DCDC2: variants seen among roughly 807,000 people sequenced by gnomAD.
DCDC2 encodes the protein doublecortin domain containing 2.
In DCDC2, 40 loss-of-function variants were observed where a neutral mutation model predicts 50.2. The observed-to-expected ratio is 0.80, with a 90% CI of 0.62 to 1.04. DCDC2 has a LOEUF of 1.04. Among genes scored for constraint, DCDC2 ranks in the 50% least tolerant of loss-of-function variants. The pLI is 0.00. For synonymous variants in DCDC2, 234 were observed against 210.6 expected, an observed-to-expected ratio of 1.11 and a Z score of -0.96; for missense variants, 570 against 581.9, an observed-to-expected ratio of 0.98 and a Z score of 0.21.
intron 7 of DCDC2, among the ~76,000 whole-genome samples, chr6:24,273,302 A>T (rs868367406): frequency 1.4e-4 from 22 of 152,300 alleles, no homozygotes; most frequent in African/African-American, 4.3e-4. Context: ...GAGCAGGAAG[A>T]GGTATGAGAA....
At chr6:24,321,660 T>A (rs1759776297) in intron 2 of DCDC2, among the ~76,000 whole-genome samples, 1 of 152,160 alleles carries the variant, frequency 6.6e-6, no homozygotes, top group Non-Finnish European at 1.5e-5. Context: ...CCCAGAAATG[T>A]CCCACTCAAG....
At chr6:24,243,331 G>T (rs1466023575) in intron 7 of DCDC2, among the ~76,000 whole-genome samples, 2 of 152,190 alleles carry the variant, frequency 1.3e-5, no homozygotes, top group African/African-American at 4.8e-5. Flanking sequence ...GGCTGGACAT[G>T]AGGTTGCACA....
Position 24,205,047 on chromosome 6 carries a change from T to G in DCDC2, c.978A>C (p.Glu326Asp), listed in dbSNP as rs1408902119. The G allele has an allele frequency of 7.4e-6, 12 of 1,614,022 alleles. No homozygotes were observed. The highest frequency in any genetic ancestry group is 8.5e-6 in the Non-Finnish European group (10 of 1,179,994). The change falls in exon 8 of 10, where the codon GAA becomes GAC. Residue 326 changes from glutamate (E) to aspartate (D), a missense_variant. Glu to Asp is a conservative substitution (Grantham distance 45, BLOSUM62 2). Transcript: ENST00000378454. Reference sequence around the variant, plus strand: ...CCTGAGTATCTTCATCTTCTTGGACTTCTGCTGCCCCCCGTGTTTCAGACC... The same window carrying G: ...CCTGAGTATCTTCATCTTCTTGGACGTCTGCTGCCCCCCGTGTTTCAGACC... ...AERSETRGAA[E>D]VQEDEDTQVE...
chr6:24,252,903 G>T (rs560988792), intron 7 of DCDC2, among the ~76,000 whole-genome samples: 9 of 152,238 alleles, frequency 5.9e-5, no homozygotes, highest in African/African-American at 1.7e-4. Context: ...ACCAGAAAAT[G>T]TCAAACTGTT....
rs532936289 is a variant in DCDC2 at position 24,204,466 on chromosome 6, A to G, written c.1023+536T>C. Among the ~76,000 whole-genome samples the G allele has an allele frequency of 1.2e-3, 176 of 152,256 alleles. 2 individuals are homozygous for G. The highest frequency in any genetic ancestry group is 8.1e-4 in the Non-Finnish European group (55 of 68,026). On this transcript the variant is annotated intron_variant, in intron 8 of 9. Transcript: ENST00000378454. ...AACACATGGACACAGAGAGGTGAAC[A>G]TCATACACTGGGGCCTGTCAGGGTT... is the stretch of plus-strand genomic sequence containing the variant.
intron 7 of DCDC2, among the ~76,000 whole-genome samples, chr6:24,251,584 A>G (rs1024718875): frequency 1.3e-5 from 2 of 152,010 alleles, no homozygotes; most frequent in African/African-American, 4.8e-5. Flanking sequence ...CCTAAGCTAA[A>G]TCTCACCTCT....
At chr6:24,298,436 C>A (rs1759306604) in intron 4 of DCDC2, among the ~76,000 whole-genome samples, 1 of 152,208 alleles carries the variant, frequency 6.6e-6, no homozygotes, top group Non-Finnish European at 1.5e-5. Flanking sequence ...TTACAGAGTA[C>A]CTTGGTCATT....
In DCDC2 at chr6:24,326,018, A is replaced by G. The variant is rs544003171; in HGVS notation, c.349-23974T>C. On this transcript the variant is annotated intron_variant, in intron 2 of 9. Coordinates refer to ENST00000378454, the MANE Select transcript of DCDC2 (RefSeq NM_016356.5). ...ACTGTAATTTTTCTTTATTATCAAC[A>G]TATGTAGGAATGCAGAATTAAAATT... Among the ~76,000 whole-genome samples, 91 of 149,230 alleles carry G rather than the reference A, an allele frequency of 6.1e-4. 9 individuals carry two copies. The South Asian group carries it at 0.017, about 28-fold the overall frequency.
intron 6 of DCDC2, among the ~76,000 whole-genome samples, chr6:24,286,906 C>A (rs1455422632): frequency 2.0e-5 from 3 of 152,144 alleles, no homozygotes; most frequent in African/African-American, 7.2e-5. Flanking sequence ...GAATAATCAT[C>A]ACTTCCTGCT....
intron 1 of DCDC2, among the ~76,000 whole-genome samples, chr6:24,355,749 T>A (rs191282542): frequency 1.3e-5 from 2 of 152,076 alleles, no homozygotes; most frequent in Admixed American, 1.3e-4. Context: ...TCCAAATATA[T>A]CCCTCACTTT....
chr6:24,211,678 A>G (rs971297318), intron 7 of DCDC2, among the ~76,000 whole-genome samples: 14 of 152,308 alleles, frequency 9.2e-5, no homozygotes, highest in Admixed American at 8.5e-4. Flanking sequence ...TGGAAAGGCC[A>G]CAAGTCAAGG....
intron 8 of DCDC2, among the ~76,000 whole-genome samples, chr6:24,204,257 A>T (rs1010558270): frequency 6.6e-6 from 1 of 152,204 alleles, no homozygotes; most frequent in Non-Finnish European, 1.5e-5. Flanking sequence ...TCAATGATAG[A>T]CTGGATAAAG....
intron 8 of DCDC2, among the ~76,000 whole-genome samples, chr6:24,191,661 A>C (rs1245470974): frequency 5.3e-5 from 8 of 152,186 alleles, no homozygotes; most frequent in African/African-American, 1.9e-4. Flanking sequence ...GGATTCTAGG[A>C]AAACAGCTCT....
chr6:24,328,529 G>C (rs1168739288), intron 2 of DCDC2, among the ~76,000 whole-genome samples: 1 of 152,158 alleles, frequency 6.6e-6, no homozygotes, highest in Non-Finnish European at 1.5e-5. Context: ...CTTCTGCCAA[G>C]TTTGAGGGCC....
the DCDC2 span, among the ~76,000 whole-genome samples, chr6:24,365,172 T>C: frequency 5.9e-5 from 9 of 152,340 alleles, no homozygotes; most frequent in Middle Eastern, 3.4e-3. Flanking sequence ...TTGGCCAATA[T>C]TGACTATAAG....
chr6:24,205,597 G>C (rs1761702431), intron 7 of DCDC2, among the ~76,000 whole-genome samples: 1 of 151,994 alleles, frequency 6.6e-6, no homozygotes, highest in African/African-American at 2.4e-5. Flanking sequence ...CCAAATCATA[G>C]AGTTGACTTT....
chr6:24,277,111 C>T (rs923122979), intron 7 of DCDC2, among the ~76,000 whole-genome samples: 12 of 152,206 alleles, frequency 7.9e-5, no homozygotes, highest in Non-Finnish European at 1.0e-4. Flanking sequence ...GTCTCCTCAG[C>T]TGTGAAGCTC....
At chr6:24,258,066 G>A (rs984911588) in intron 7 of DCDC2, among the ~76,000 whole-genome samples, 15 of 152,220 alleles carry the variant, frequency 9.9e-5, no homozygotes, top group African/African-American at 3.6e-4. Context: ...TCCTGAAGTA[G>A]TGTGTTCAGA....
chr6:24,194,903 T>C (rs971713025), intron 8 of DCDC2, among the ~76,000 whole-genome samples: 1 of 152,168 alleles, frequency 6.6e-6, no homozygotes, highest in African/African-American at 2.4e-5. Context: ...ATGTGAACAT[T>C]CTTCTGTCTT....
Sources: allele counts gnomAD v4.1 joint callset (sites outside exome capture counted in the v4.1 genomes callset), GRCh38; gene constraint gnomAD v4.1.1; transcripts MANE v1.5; gene names NCBI Gene and HGNC (gene_info 2026-07-23, HGNC 2026-07-21).